Variants in CDS1 observed in about 807,000 individuals in gnomAD.
CDS1 encodes phosphatidate cytidylyltransferase 1.
A neutral mutation model predicts 62.1 loss-of-function variants in CDS1; 41 were observed. That is an observed-to-expected ratio of 0.66 (90% CI 0.51 to 0.86). The LOEUF (loss-of-function observed/expected upper bound fraction) is 0.86. Among genes scored for constraint, CDS1 ranks in the 40% least tolerant of loss-of-function variants. CDS1 has a pLI of 0.00. For missense variants in CDS1, 470 were observed against 550.1 expected (o/e 0.85, Z 1.46); for synonymous variants, 185 against 192.6 (o/e 0.96, Z 0.32).
chr4:84,607,033 CCTCATG>C (rs1467310348), intron 2 of CDS1, among the ~76,000 whole-genome samples: 1 of 152,122 alleles, frequency 6.6e-6, no homozygotes, highest in East Asian at 1.9e-4. Context: ...TTTAGTTCTG[CCTCATG>C]CTCATGCTCT....
chr4:84,638,953 C>A lies in CDS1; in HGVS notation c.840C>A (p.Phe280Leu). The A allele has an allele frequency of 6.4e-7, 1 of 1,570,130 alleles. No individual in the cohort carries two copies. Among genetic ancestry groups the A allele is most frequent in the Non-Finnish European group, 8.6e-7 (1 of 1,158,948 alleles). Residue 280 changes from phenylalanine to leucine, a missense_variant, in exon 9 of 13, where the codon TTC (phenylalanine) becomes TTA (leucine). This residue lies in a region of CDS1 where 214 missense variants were observed against 242.4 expected (regional missense o/e 0.88). Coordinates refer to ENST00000295887, the MANE Select transcript of CDS1 (RefSeq NM_001263.4). Reference protein sequence around the residue: ...KLSPKKTWEGFIGGFFSTVVF... With the variant: ...KLSPKKTWEGLIGGFFSTVVF... The stretch of plus-strand genomic sequence containing the variant: ...CTCCTAAAAAGACTTGGGAAGGATT[C>A]ATTGGTGGTTTCTTTTCCACAGTTG...
At chr4:84,593,507 T>G (rs1338779766) in intron 1 of CDS1, among the ~76,000 whole-genome samples, 2 of 61,812 alleles carry the variant, frequency 3.2e-5, no homozygotes, top group South Asian at 4.3e-4. Flanking sequence ...GTTTTTTTTG[T>G]TTTTTTTTTC....
chr4:84,614,977 C>T (rs796109221), intron 3 of CDS1, among the ~76,000 whole-genome samples: 2 of 152,144 alleles, frequency 1.3e-5, no homozygotes, highest in African/African-American at 2.4e-5. Flanking sequence ...CAGCAGCCAC[C>T]AAGTAAAACT....
chr4:84,637,206 G>A (rs1255871638), intron 8 of CDS1, among the ~76,000 whole-genome samples: 1 of 152,158 alleles, frequency 6.6e-6, no homozygotes, highest in African/African-American at 2.4e-5. Context: ...TTCTAAAGCT[G>A]CTCCAGAGTT....
chr4:84,596,679 A>G (rs1334077287), intron 1 of CDS1, among the ~76,000 whole-genome samples: 1 of 152,078 alleles, frequency 6.6e-6, no homozygotes, highest in Non-Finnish European at 1.5e-5. Flanking sequence ...ACATCTTCAC[A>G]TGTTCTGGGA....
At chr4:84,632,849 G>A (rs192928423) in intron 6 of CDS1, among the ~76,000 whole-genome samples, 11 of 152,320 alleles carry the variant, frequency 7.2e-5, no homozygotes, top group Middle Eastern at 6.8e-3. Flanking sequence ...AAGGCCAAGC[G>A]CCGATGGCTC....
intron 1 of CDS1, among the ~76,000 whole-genome samples, chr4:84,593,984 G>A (rs1722671853): frequency 6.6e-6 from 1 of 152,172 alleles, no homozygotes; most frequent in South Asian, 2.1e-4. Context: ...CCAGGCACGG[G>A]TGTGGGGGTG....
intron 3 of CDS1, among the ~76,000 whole-genome samples, chr4:84,615,567 C>T (rs1040185353): frequency 1.3e-5 from 2 of 152,078 alleles, no homozygotes; most frequent in African/African-American, 4.8e-5. Context: ...CCTCCTCTGG[C>T]TCTGCCGTTG....
chr4:84,617,371 T>G (rs1723529622), intron 3 of CDS1, among the ~76,000 whole-genome samples, 193 bp from the exon 4 acceptor site: 1 of 152,146 alleles, frequency 6.6e-6, no homozygotes, highest in Admixed American at 6.6e-5. Context: ...AGTAAAACAT[T>G]ATTTTGCCTA....
intron 1 of CDS1, among the ~76,000 whole-genome samples, chr4:84,587,354 T>G (rs952033085): frequency 3.9e-5 from 6 of 152,208 alleles, no homozygotes; most frequent in Admixed American, 3.3e-4. Context: ...CCTATCACAC[T>G]TCCCAAAAAT....
intron 1 of CDS1, among the ~76,000 whole-genome samples, chr4:84,596,475 C>T (rs1722755055): frequency 6.6e-6 from 1 of 152,142 alleles, no homozygotes; most frequent in Admixed American, 6.5e-5. Flanking sequence ...ACTCCTTGCT[C>T]AAAACCAGCA....
intron 1 of CDS1, among the ~76,000 whole-genome samples, chr4:84,589,393 T>C (rs1263964534): frequency 6.6e-6 from 1 of 152,218 alleles, no homozygotes; most frequent in Non-Finnish European, 1.5e-5. Flanking sequence ...TTCTTCATTT[T>C]GGTACACTTC....
chr4:84,614,973 C>T (rs1187499476), intron 3 of CDS1, among the ~76,000 whole-genome samples: 1 of 152,132 alleles, frequency 6.6e-6, no homozygotes, highest in Non-Finnish European at 1.5e-5. Flanking sequence ...GTTTCAGCAG[C>T]CACCAAGTAA....
chr4:84,637,362 C>T lies in CDS1; in HGVS notation c.811-1562C>T, dbSNP rs556717928. Among the ~76,000 whole-genome samples, 4 of 152,188 alleles carry T rather than the reference C, an allele frequency of 2.6e-5. No individual in the cohort carries two copies. In the East Asian group the frequency reaches 5.8e-4, roughly 22 times the overall value. ...TTGGCTTATGGTTCTGCAAGCTGTA[C>T]AGGAAGCATGGCTGGGGAGGCCTCA... On this transcript the variant is annotated intron_variant, in intron 8 of 12. Coordinates refer to ENST00000295887, the MANE Select transcript of CDS1 (RefSeq NM_001263.4).
At chr4:84,584,800 A>G (rs1722366468) in intron 1 of CDS1, among the ~76,000 whole-genome samples, 1 of 152,266 alleles carries the variant, frequency 6.6e-6, no homozygotes, top group African/African-American at 2.4e-5. Context: ...GTAATAAAAC[A>G]TAAGTGTCAA....
chr4:84,588,832 A>ACC (rs1390472806), intron 1 of CDS1, among the ~76,000 whole-genome samples: 2 of 152,230 alleles, frequency 1.3e-5, no homozygotes, highest in African/African-American at 4.8e-5. Flanking sequence ...TGATCTCCAG[A>ACC]CCAGTGGCTG....
At chr4:84,599,709 G>A (rs1419611299) in intron 1 of CDS1, among the ~76,000 whole-genome samples, 1 of 151,918 alleles carries the variant, frequency 6.6e-6, no homozygotes, top group African/African-American at 2.4e-5. Flanking sequence ...ATTCATCCAT[G>A]TATCAATTGT....
intron 12 of CDS1, among the ~76,000 whole-genome samples, chr4:84,645,593 G>A (rs372499424): frequency 2.0e-5 from 3 of 152,122 alleles, no homozygotes; most frequent in South Asian, 2.1e-4. Context: ...TTTGAAACTT[G>A]AGGAGATTTG....
chr4:84,643,073 C>T lies in CDS1; in HGVS notation c.1082C>T (p.Thr361Ile). ...CAGATCCACAGCATTGCACTGTCAA[C>T]CTTTGCATCTTTAATTGGCCCATTT... is the stretch of plus-strand genomic sequence containing the variant. ...PFQIHSIALS[T>I]FASLIGPFGG... Residue 361 changes from threonine (T) to isoleucine (I), a missense_variant, in exon 11 of 13, where the codon ACC becomes ATC. This residue lies in a region of CDS1 where 214 missense variants were observed against 242.4 expected (regional missense o/e 0.88). Transcript: ENST00000295887. 1 of 1,613,040 alleles carries T rather than the reference C, an allele frequency of 6.2e-7. No individual in the cohort carries two copies. The highest frequency in any genetic ancestry group is 8.5e-7 in the Non-Finnish European group (1 of 1,179,368).
Sources: allele counts gnomAD v4.1 joint callset (sites outside exome capture counted in the v4.1 genomes callset), GRCh38; gene constraint gnomAD v4.1.1; regional missense constraint gnomAD v4.1.1; transcripts MANE v1.5; gene names NCBI Gene and HGNC (gene_info 2026-07-23, HGNC 2026-07-21).